The following TULP2 variants were observed in gnomAD, a reference collection of about 807,000 sequenced individuals.
TULP2 encodes TUB like protein 2, also known as tubby-related protein 2.
A neutral mutation model predicts 60.3 loss-of-function variants in TULP2; 64 were observed. The ratio of observed to expected loss-of-function variants is 1.06; its 90% CI spans 0.87 to 1.31. TULP2 has a LOEUF of 1.31. TULP2 is among the 50% of genes most tolerant of loss of function. TULP2 has a pLI of 0.00. For missense variants in TULP2, 652 were observed against 667.0 expected, an observed-to-expected ratio of 0.98 and a Z score of 0.25; for synonymous variants, 267 against 265.4, an observed-to-expected ratio of 1.01 and a Z score of -0.06.
At chr19:48,881,443 G>A (rs1464372634) in intron 12 of TULP2, among the ~76,000 whole-genome samples, 1 of 145,900 alleles carries the variant, frequency 6.9e-6, no homozygotes, top group Non-Finnish European at 1.5e-5. Context: ...GAGCAGTGGC[G>A]CGATCTCGGC....
At chr19:48,892,010 A>G (rs9941471) in intron 6 of TULP2, among the ~76,000 whole-genome samples, 28,824 of 152,212 alleles carry the variant, frequency 0.19, 3,504 homozygotes, top group African/African-American at 0.35. Flanking sequence ...TCTCGCCTCC[A>G]GCCATAAGGT....
chr19:48,887,284 T>C lies in TULP2; in HGVS notation c.948+666A>G, dbSNP rs1358758590. 2.8e-5 allele frequency among the ~76,000 whole-genome samples: 4 copies of C among 141,810 alleles called. No individual in the cohort carries two copies. The East Asian group carries it at 6.4e-4, about 23-fold the overall frequency. 93.0% of individuals were successfully genotyped at this position (141,810 alleles called of 152,430 possible). ...CCTCGGCCTCCCAAAGTGCTAGGAT[T>C]ACAAGTGTGAGCCACCGCGCCCAGC... On this transcript the variant is annotated intron_variant, in intron 8 of 12. Transcript: ENST00000221399.
At chr19:48,891,363 T>C (rs1600011543) in intron 6 of TULP2, among the ~76,000 whole-genome samples, 1 of 145,518 alleles carries the variant, frequency 6.9e-6, no homozygotes, top group African/African-American at 2.6e-5. Flanking sequence ...CCAGGGGCGG[T>C]GGCTCATGCC....
At chr19:48,887,311 C>CTTTTTTTT (rs58640342) in intron 8 of TULP2, among the ~76,000 whole-genome samples, 436 of 39,376 alleles carry the variant, frequency 0.011, 116 homozygotes, top group Non-Finnish European at 0.015. Flanking sequence ...GCGCCCAGCC[C>CTTTTTTTT]TTTTTTTTTT....
In TULP2 at chr19:48,881,193, CTTTTTTTTTTTTT is replaced by C. The variant is rs749458605; in HGVS notation, c.1448-80_1448-68del. 2.2e-3 allele frequency: 639 copies of C among 294,538 alleles called. 6 individuals are homozygous for C. Among genetic ancestry groups the C allele is most frequent in the African/African-American group, 0.018 (517 of 28,808 alleles). 18.2% of individuals were successfully genotyped at this position (294,538 alleles called of 1,614,324 possible). ...CATCTCCCAGCTTCGAGAACTGAGA[CTTTTTTTTTTTTT>C]TTTTCTTTTTTTTTTTTTTTTGAGA... On this transcript the variant is annotated intron_variant, in intron 12 of 12. Coordinates refer to ENST00000221399, the MANE Select transcript of TULP2 (RefSeq NM_003323.3).
intron 8 of TULP2, 36 bp downstream of exon 8, chr19:48,887,914 G>T: frequency 6.3e-7 from 1 of 1,586,346 alleles, no homozygotes; most frequent in Non-Finnish European, 8.6e-7. Flanking sequence ...GGAGGTGGGG[G>T]CTTACTCCCA....
chr19:48,888,322 T>G (rs966620300), intron 7 of TULP2, 61 bp from the exon 8 acceptor site: 2 of 1,504,684 alleles, frequency 1.3e-6, no homozygotes, highest in African/African-American at 2.8e-5. Flanking sequence ...TGCTTACTAC[T>G]GATTGACCAT....
intron 3 of TULP2, chr19:48,896,859 A>C: frequency 3.0e-6 from 1 of 328,074 alleles, no homozygotes. Flanking sequence ...AGAACCCCCA[A>C]TTCCTATTTT....
intron 7 of TULP2, 43 bp downstream of exon 7, chr19:48,889,467 G>C (rs1376372250): frequency 6.4e-7 from 1 of 1,555,080 alleles, no homozygotes; most frequent in South Asian, 1.2e-5. Context: ...TCCGAGGCTA[G>C]CCCTCTTCTT....
chr19:48,895,571 C>G, intron 4 of TULP2, 68 bp from the exon 5 acceptor site: 2 of 1,544,782 alleles, frequency 1.3e-6, no homozygotes, highest in Non-Finnish European at 1.7e-6. Context: ...AAATCCACCC[C>G]GTCACTGGGC....
In TULP2 at chr19:48,888,222, T is replaced by C. The variant is rs372941090; in HGVS notation, c.676A>G (p.Thr226Ala). 15 of 1,607,596 alleles carry C rather than the reference T, an allele frequency of 9.3e-6. No homozygotes were observed. Among genetic ancestry groups the C allele is most frequent in the Non-Finnish European group, 1.1e-5 (13 of 1,174,856 alleles). Residue 226 changes from threonine to alanine, a missense_variant, in exon 8 of 13, where the codon ACA (threonine) becomes GCA (alanine). By Grantham distance (58) the Thr-to-Ala change is moderately conservative. Transcript: ENST00000221399. ...LEKKREASES[T>A]GTNSSAAHNE... ...TGTGCTGCTGAGGAGTTCGTCCCTG[T>C]AGACTCAGAGGCCTCTCTCTTCTTT...
In TULP2 at chr19:48,881,146, C is replaced by G. The variant is rs779031235; in HGVS notation, c.1448-20G>C. 4 of 1,490,276 alleles carry G rather than the reference C, an allele frequency of 2.7e-6. No homozygotes were observed. The Admixed American group carries it at 7.0e-5, about 26-fold the overall frequency. 92.3% of individuals were successfully genotyped at this position (1,490,276 alleles called of 1,614,324 possible). A position where few individuals can be genotyped will look rare whatever the true frequency, so the allele number is the denominator to read the frequency against. On this transcript the variant is annotated intron_variant, in intron 12 of 12. Coordinates refer to ENST00000221399, the MANE Select transcript of TULP2 (RefSeq NM_003323.3). ...GTTCTTCTGAGAAGTGAATCAGGAA[C>G]AAAGCCTTAGCCTGACTCTCTCATC... is the stretch of plus-strand genomic sequence containing the variant.
At position 48,897,792 on chromosome 19, in the gene TULP2, C is replaced by T; in HGVS notation, c.32+45G>A. 6.2e-7 allele frequency: 1 copy of T among 1,610,122 alleles called. No individual in the cohort carries two copies. The highest frequency in any genetic ancestry group is 8.5e-7 in the Non-Finnish European group (1 of 1,176,702). On this transcript the variant is annotated intron_variant, in intron 2 of 12. Coordinates refer to ENST00000221399, the MANE Select transcript of TULP2 (RefSeq NM_003323.3). The surrounding 1 kb of genome is among the most constrained non-coding windows in gnomAD (Gnocchi z 4.0). Reference sequence around the variant, plus strand: ...GCCAGAGCCGAGTGCACGGGGTCCCCAGCCCTTTCCACCTCCACCCCTACC... The same window carrying T: ...GCCAGAGCCGAGTGCACGGGGTCCCTAGCCCTTTCCACCTCCACCCCTACC...
At chr19:48,889,390 T>C (rs2037212249) in intron 7 of TULP2, 120 bp downstream of exon 7, 6 of 1,473,522 alleles carry the variant, frequency 4.1e-6, no homozygotes, top group Non-Finnish European at 5.4e-6. Flanking sequence ...CTCTGCCAGC[T>C]TAATCACCAC....
At chr19:48,884,755 A>G (rs1336791026) in intron 9 of TULP2, among the ~76,000 whole-genome samples, 1 of 151,886 alleles carries the variant, frequency 6.6e-6, no homozygotes, top group Admixed American at 6.6e-5. Context: ...GGGCAACAAA[A>G]GTGAAACTCT....
chr19:48,889,820 A>G lies in TULP2; in HGVS notation c.515-189T>C, dbSNP rs370030671. On this transcript the variant is annotated intron_variant, in intron 6 of 12. Coordinates refer to ENST00000221399, the MANE Select transcript of TULP2 (RefSeq NM_003323.3). Reference sequence around the variant, plus strand: ...GCTGTGTCCACTCAGGGTTAAATGGATTAAGGGCGGTGCAAGATGTGCTTT... The same window carrying G: ...GCTGTGTCCACTCAGGGTTAAATGGGTTAAGGGCGGTGCAAGATGTGCTTT... Among the ~76,000 whole-genome samples the G allele has an allele frequency of 3.8e-4, 58 of 152,270 alleles. No individual in the cohort carries two copies. The South Asian group carries it at 0.012, about 31-fold the overall frequency.
At chr19:48,883,080 A>G (rs779045025) in intron 11 of TULP2, among the ~76,000 whole-genome samples, 38 of 152,188 alleles carry the variant, frequency 2.5e-4, no homozygotes, top group Non-Finnish European at 5.4e-4. Flanking sequence ...TTAGACGGGC[A>G]TGGTAGCGGG....
In TULP2 at chr19:48,897,361, T is replaced by G. The variant is rs1032808133; in HGVS notation, c.68A>C (p.Gln23Pro). 2 of 1,613,884 alleles carry G rather than the reference T, an allele frequency of 1.2e-6. No individual in the cohort carries two copies. The highest frequency in any genetic ancestry group is 2.7e-5 in the African/African-American group (2 of 75,054). ...LGHELAAMRL[Q>P]KLEQQRRLFE... Reference sequence around the variant, plus strand: ...GCACAATACCTGCTGTTCCAGCTTCTGCAGCCTCATAGCAGCGAGCTCATG... The same window carrying G: ...GCACAATACCTGCTGTTCCAGCTTCGGCAGCCTCATAGCAGCGAGCTCATG... Residue 23 changes from glutamine to proline, a missense_variant, in exon 3 of 13, where the codon CAG becomes CCG. By Grantham distance (76) the Gln-to-Pro change is moderately conservative (BLOSUM62 -1). Coordinates refer to ENST00000221399, the MANE Select transcript of TULP2 (RefSeq NM_003323.3). The surrounding 1 kb of genome is among the most constrained non-coding windows in gnomAD (Gnocchi z 4.0).
At chr19:48,887,364 G>A (rs1441691964) in intron 8 of TULP2, among the ~76,000 whole-genome samples, 18 of 94,128 alleles carry the variant, frequency 1.9e-4, no homozygotes, top group South Asian at 3.7e-4. Context: ...TAACTCTGTC[G>A]CCCAGGCTGG....
Sources: gnomAD v4.1 joint callset for allele counts (sites outside exome capture counted in the v4.1 genomes callset) on GRCh38, gnomAD v4.1.1 for gene constraint, Gnocchi (gnomAD v3.1) non-coding constraint, MANE v1.5 for transcripts, NCBI Gene and HGNC (gene_info 2026-07-23, HGNC 2026-07-21) for gene names.